Variants in VTA1 observed in about 807,000 individuals in gnomAD.
The protein encoded by VTA1 is vacuolar protein sorting-associated protein VTA1 homolog.
In VTA1, 24 loss-of-function variants were observed where a neutral mutation model predicts 36.9. The ratio of observed to expected loss-of-function variants is 0.65; its 90% CI spans 0.47 to 0.91. VTA1 has a LOEUF of 0.91. Ranked by LOEUF, VTA1 falls within the 40% of genes least tolerant of loss-of-function variation. The pLI is 0.00. For missense variants in VTA1, 393 were observed against 377.2 expected, an observed-to-expected ratio of 1.04 and a Z score of -0.35; for synonymous variants, 142 against 130.2, an observed-to-expected ratio of 1.09 and a Z score of -0.62.
intron 4 of VTA1, among the ~76,000 whole-genome samples, chr6:142,180,596 T>A (rs543498919): frequency 6.6e-6 from 1 of 152,220 alleles, no homozygotes; most frequent in South Asian, 2.1e-4. Flanking sequence ...TCTTACCAAA[T>A]TGCTTATTGA....
chr6:142,194,636 T>C (rs1338383257), intron 5 of VTA1, among the ~76,000 whole-genome samples: 1 of 152,170 alleles, frequency 6.6e-6, no homozygotes, highest in Non-Finnish European at 1.5e-5. Flanking sequence ...CTATTGATTC[T>C]GATAATTACT....
intron 7 of VTA1, among the ~76,000 whole-genome samples, chr6:142,212,471 A>G (rs1458848147): frequency 6.6e-6 from 1 of 152,020 alleles, no homozygotes; most frequent in African/African-American, 2.4e-5. Context: ...AAGGCAAACT[A>G]TAGAGGGGGT....
At chr6:142,200,613 T>TA (rs1441577368) in intron 6 of VTA1, among the ~76,000 whole-genome samples, 3 of 152,014 alleles carry the variant, frequency 2.0e-5, no homozygotes, top group African/African-American at 4.8e-5. Context: ...ACAAAAATGA[T>TA]AAAGTATTGA....
chr6:142,150,680 G>A (rs905125597), intron 1 of VTA1, among the ~76,000 whole-genome samples: 6 of 152,072 alleles, frequency 3.9e-5, no homozygotes, highest in Non-Finnish European at 8.8e-5. Context: ...AAACCAGCCA[G>A]AGCAAAAAAT....
intron 4 of VTA1, among the ~76,000 whole-genome samples, chr6:142,182,122 C>T (rs2053903107): frequency 6.6e-6 from 1 of 152,164 alleles, no homozygotes; most frequent in African/African-American, 2.4e-5. Flanking sequence ...CCATTTTTAT[C>T]ACTGTCTACT....
At chr6:142,200,648 C>T (rs1228920012) in intron 6 of VTA1, among the ~76,000 whole-genome samples, 3 of 151,936 alleles carry the variant, frequency 2.0e-5, no homozygotes, top group African/African-American at 7.2e-5. Context: ...CAAACTAATA[C>T]ACAGTGTATC....
At chr6:142,175,468 C>T (rs1775103229) in intron 4 of VTA1, among the ~76,000 whole-genome samples, 2 of 151,994 alleles carry the variant, frequency 1.3e-5, no homozygotes, top group East Asian at 1.9e-4. Context: ...TTATTCTAGT[C>T]CTTACATGAA....
rs149790635 is a variant in VTA1 at position 142,192,335 on chromosome 6, A to C, written c.520+2801A>C. On this transcript the variant is annotated intron_variant, in intron 5 of 7. Coordinates refer to ENST00000367630, the MANE Select transcript of VTA1 (RefSeq NM_016485.5). ...TTCATGTAGGCTAGGCTAAGCAATG[A>C]TGTTCGGTAGCTTAGGTATTTTAAA... 1.1e-4 allele frequency among the ~76,000 whole-genome samples: 16 copies of C among 152,172 alleles called. No individual in the cohort carries two copies. In the East Asian group the frequency reaches 2.9e-3, roughly 28 times the overall value.
At chr6:142,187,889 C>T (rs9496293) in intron 4 of VTA1, among the ~76,000 whole-genome samples, 31 of 145,814 alleles carry the variant, frequency 2.1e-4, no homozygotes, top group African/African-American at 7.5e-4. Context: ...CTTCGTGGAT[C>T]TTTGCAAAAG....
intron 4 of VTA1, among the ~76,000 whole-genome samples, chr6:142,175,358 G>T (rs922124499): frequency 5.9e-5 from 9 of 151,772 alleles, no homozygotes; most frequent in African/African-American, 2.2e-4. Context: ...GTCCTACTTT[G>T]TAGACCAGGC....
chr6:142,154,528 T>G (rs1303270621), intron 1 of VTA1, among the ~76,000 whole-genome samples: 1 of 152,132 alleles, frequency 6.6e-6, no homozygotes, highest in Non-Finnish European at 1.5e-5. Context: ...ATGTTTAGTT[T>G]TATAAGAAGC....
chr6:142,188,554 G>A (rs1010583733), intron 4 of VTA1, among the ~76,000 whole-genome samples: 5 of 152,130 alleles, frequency 3.3e-5, no homozygotes, highest in Admixed American at 6.5e-5. Context: ...GCTAATGTGC[G>A]TATAAATCAC....
intron 7 of VTA1, among the ~76,000 whole-genome samples, chr6:142,206,005 A>G (rs225694): frequency 0.83 from 126,778 of 152,172 alleles, 53,455 homozygotes; most frequent in East Asian, 0.97. Flanking sequence ...CTTCACTCAG[A>G]ATGAAATATA....
Position 142,188,093 on chromosome 6 carries a change from G to C in VTA1, c.412-1333G>C, listed in dbSNP as rs113505301. On this transcript the variant is annotated intron_variant, in intron 4 of 7. Coordinates refer to ENST00000367630, the MANE Select transcript of VTA1 (RefSeq NM_016485.5). ...CGGCTAATTTTTTGTGTTTTTCATA[G>C]AGACGGGGTTTCACCATATTGGCCA... Among the ~76,000 whole-genome samples the C allele has an allele frequency of 1.2e-3, 178 of 150,536 alleles. 2 individuals are homozygous for C. Among genetic ancestry groups the C allele is most frequent in the African/African-American group, 3.2e-3 (132 of 41,028 alleles).
chr6:142,188,048 C>T (rs1279041288), intron 4 of VTA1, among the ~76,000 whole-genome samples: 1 of 150,256 alleles, frequency 6.7e-6, no homozygotes, highest in South Asian at 2.1e-4. Flanking sequence ...GCTGGGATTA[C>T]AGGTGTGTGC....
chr6:142,162,272 C>G (rs191373479), intron 1 of VTA1, among the ~76,000 whole-genome samples: 57 of 152,278 alleles, frequency 3.7e-4, no homozygotes, highest in African/African-American at 1.2e-3. Context: ...TAGGAATCAA[C>G]CTTATTTCTC....
intron 4 of VTA1, among the ~76,000 whole-genome samples, chr6:142,174,163 C>T (rs1372375839): frequency 2.0e-5 from 3 of 152,114 alleles, no homozygotes; most frequent in African/African-American, 7.2e-5. Context: ...GCAGCTTGCA[C>T]CCTGAGCCTG....
chr6:142,157,149 C>T (rs1019606552), intron 1 of VTA1, among the ~76,000 whole-genome samples: 6 of 152,122 alleles, frequency 3.9e-5, no homozygotes, highest in African/African-American at 1.2e-4. Flanking sequence ...GGTGACAGAG[C>T]GAGACTCCGT....
At chr6:142,155,601 A>G (rs225635) in intron 1 of VTA1, among the ~76,000 whole-genome samples, 53,988 of 152,030 alleles carry the variant, frequency 0.36, 10,810 homozygotes, top group Middle Eastern at 0.52. Flanking sequence ...GTGACCCCTC[A>G]TGATTTGAGT....
Sources: allele counts gnomAD v4.1 joint callset (sites outside exome capture counted in the v4.1 genomes callset), GRCh38; gene constraint gnomAD v4.1.1; transcripts MANE v1.5; gene names NCBI Gene and HGNC (gene_info 2026-07-23, HGNC 2026-07-21).